The following TRERF1 variants were observed in gnomAD, a reference collection of about 807,000 sequenced individuals.
TRERF1 encodes the protein transcriptional-regulating factor 1.
TRERF1 carries 27 observed loss-of-function variants against 122.9 expected under a neutral mutation model. That is an observed-to-expected ratio of 0.22 (90% confidence interval 0.16 to 0.30). The LOEUF is 0.30. Ranked by LOEUF, TRERF1 falls within the 10% of genes least tolerant of loss-of-function variation. The probability of loss-of-function intolerance (pLI) is 1.00; values close to 1 mark genes in which losing one functional copy is unlikely to be tolerated. For synonymous variants in TRERF1, 636 were observed against 641.7 expected, an observed-to-expected ratio of 0.99 and a Z score of 0.13; for missense variants, 1,248 against 1,560.3, an observed-to-expected ratio of 0.80 and a Z score of 3.37.
At position 42,411,014 on chromosome 6, in the gene TRERF1, A is replaced by T. The variant is rs2151449710; in HGVS notation, c.-454+40163T>A. ...TCTCTAGCTGGCTGGGCTCACAGGG[A>T]CTGTGGGGAAGGGGACAGCCTAGAA... On this transcript the variant is annotated intron_variant, in intron 2 of 17. Transcript: ENST00000372922. Among the ~76,000 whole-genome samples, 3 of 152,244 alleles carry T rather than the reference A, an allele frequency of 2.0e-5. No homozygotes were observed. In the South Asian group the frequency reaches 6.2e-4, roughly 32 times the overall value.
chr6:42,410,453 C>T (rs1780947468), intron 2 of TRERF1, among the ~76,000 whole-genome samples: 1 of 152,072 alleles, frequency 6.6e-6, no homozygotes, highest in African/African-American at 2.4e-5. Context: ...CTGATCTCAA[C>T]ACTCATTTTT....
intron 13 of TRERF1, among the ~76,000 whole-genome samples, chr6:42,251,984 C>T (rs555169566): frequency 1.3e-5 from 2 of 152,252 alleles, no homozygotes; most frequent in African/African-American, 4.8e-5. Context: ...CTGACTCCCC[C>T]ATGCTTGGCC....
At chr6:42,226,847 A>T (rs1451754223) in exon 18 of TRERF1, 3 of 152,284 alleles carry the variant, frequency 2.0e-5, no homozygotes, top group Admixed American at 6.5e-5. Flanking sequence ...GGAGCTGGGA[A>T]CCAGCATACC....
At chr6:42,332,664 G>A (rs772338580) in intron 3 of TRERF1, among the ~76,000 whole-genome samples, 1 of 152,176 alleles carries the variant, frequency 6.6e-6, no homozygotes, top group Admixed American at 6.5e-5. Flanking sequence ...CTGTAAATGT[G>A]CTCAAAGGGC....
intron 3 of TRERF1, among the ~76,000 whole-genome samples, chr6:42,318,648 G>A (rs1379521135): frequency 2.0e-5 from 3 of 152,216 alleles, no homozygotes; most frequent in East Asian, 1.9e-4. Context: ...AGGCCAATCC[G>A]CTGCCTGTTT....
At chr6:42,315,194 G>C (rs1470941274) in intron 3 of TRERF1, among the ~76,000 whole-genome samples, 1 of 152,186 alleles carries the variant, frequency 6.6e-6, no homozygotes, top group Non-Finnish European at 1.5e-5. Context: ...GCAGTGTCTA[G>C]AAACATTTCT....
At chr6:42,304,409 G>C (rs776115569) in intron 3 of TRERF1, among the ~76,000 whole-genome samples, 1 of 152,176 alleles carries the variant, frequency 6.6e-6, no homozygotes, top group Non-Finnish European at 1.5e-5. Context: ...CACTGAGCAC[G>C]CTGCCCCTGC....
chr6:42,397,162 GAGAA>G (rs1008166370), intron 2 of TRERF1, among the ~76,000 whole-genome samples: 8 of 152,226 alleles, frequency 5.3e-5, no homozygotes, highest in Middle Eastern at 3.2e-3. Context: ...AGAGAAGGGG[GAGAA>G]AGAAAGGAGA....
intron 3 of TRERF1, among the ~76,000 whole-genome samples, chr6:42,315,842 T>A (rs1762404178): frequency 6.6e-6 from 1 of 151,574 alleles, no homozygotes; most frequent in Non-Finnish European, 1.5e-5. Context: ...AAGAAGGACA[T>A]CACCAGCAGA....
intron 3 of TRERF1, among the ~76,000 whole-genome samples, chr6:42,356,976 G>A (rs145737328): frequency 2.0e-5 from 3 of 152,182 alleles, no homozygotes; most frequent in South Asian, 4.1e-4. Context: ...GCACAATGTC[G>A]TCTGCCGTGG....
intron 2 of TRERF1, among the ~76,000 whole-genome samples, chr6:42,435,744 G>A (rs1245770724): frequency 1.3e-5 from 2 of 152,020 alleles, no homozygotes; most frequent in African/African-American, 4.8e-5. Flanking sequence ...GGGAAGCTGA[G>A]GCGGGCAGAT....
At position 42,251,880 on chromosome 6, in the gene TRERF1, C is replaced by G. The variant is rs1453420829; in HGVS notation, c.2656+2971G>C. ...CTGAACACTTGCCAAGAAGCCAGGTCAGTTCTAACACCCCTCTGCAGGAAT... is the reference window on the plus strand; with the variant it reads ...CTGAACACTTGCCAAGAAGCCAGGTGAGTTCTAACACCCCTCTGCAGGAAT... On this transcript the variant is annotated intron_variant, in intron 13 of 17. Coordinates refer to ENST00000372922, the Ensembl canonical transcript of TRERF1. Among the ~76,000 whole-genome samples, 4 of 152,216 alleles carry G rather than the reference C, an allele frequency of 2.6e-5. No homozygotes were observed. In the East Asian group the frequency reaches 7.7e-4, roughly 29 times the overall value.
chr6:42,234,519 G>A (rs560989512), intron 16 of TRERF1, among the ~76,000 whole-genome samples: 5 of 151,922 alleles, frequency 3.3e-5, no homozygotes, highest in African/African-American at 1.2e-4. Flanking sequence ...TGTATTTTTA[G>A]TATAGTAGAG....
chr6:42,342,044 C>T (rs574312713), intron 3 of TRERF1, among the ~76,000 whole-genome samples: 30 of 152,338 alleles, frequency 2.0e-4, no homozygotes, highest in African/African-American at 6.7e-4. Flanking sequence ...TGCAAGGATA[C>T]TGCAACCATT....
chr6:42,259,406 A>T lies in TRERF1; in HGVS notation c.2202T>A (p.Pro734=), dbSNP rs770427548. 6 of 1,543,666 alleles carry T rather than the reference A, an allele frequency of 3.9e-6. 2 individuals are homozygous for T. In the South Asian group the frequency reaches 7.4e-5, roughly 19 times the overall value. ...TCAGGGGCAGCTGCGGGTGGGCGCC[A>T]GGGCCGTGGCCGGAGATGAGGACAT... is the stretch of plus-strand genomic sequence containing the variant. The change falls in exon 9 of 18, where the codon CCT becomes CCA. Residue 734 remains proline, a synonymous_variant. Transcript: ENST00000372922. This position sits in a 1 kb window ranked among gnomAD's most constrained non-coding sequence, Gnocchi z 4.9.
chr6:42,236,446 T>G, intron 15 of TRERF1, 35 bp from the exon 16 acceptor site: 2 of 1,544,056 alleles, frequency 1.3e-6, no homozygotes, highest in Non-Finnish European at 1.7e-6. Context: ...GAGGGGAAAA[T>G]CCCCAAATGG....
chr6:42,291,694 C>T (rs1002224449), intron 4 of TRERF1, among the ~76,000 whole-genome samples: 4 of 151,412 alleles, frequency 2.6e-5, no homozygotes, highest in African/African-American at 9.7e-5. Context: ...CCACCACGCC[C>T]GGCTGTTTTT....
intron 4 of TRERF1, among the ~76,000 whole-genome samples, chr6:42,285,823 C>T (rs1465361511): frequency 2.6e-5 from 4 of 151,538 alleles, no homozygotes; most frequent in Non-Finnish European, 5.9e-5. Flanking sequence ...AAAAAAGAGC[C>T]CGCATCGCCA....
At chr6:42,262,387 G>T (rs1357137081) in intron 8 of TRERF1, among the ~76,000 whole-genome samples, 2 of 150,468 alleles carry the variant, frequency 1.3e-5, no homozygotes, top group Non-Finnish European at 3.0e-5. Flanking sequence ...GTGGGGAGGG[G>T]GTAGGTTTGA....
Sources: gnomAD v4.1 joint callset for allele counts (sites outside exome capture counted in the v4.1 genomes callset) on GRCh38, gnomAD v4.1.1 for gene constraint, Gnocchi (gnomAD v3.1) non-coding constraint, MANE v1.5 for transcripts, NCBI Gene and HGNC (gene_info 2026-07-23, HGNC 2026-07-21) for gene names.